PACRG: variants seen among roughly 807,000 people sequenced by gnomAD.
PACRG encodes the protein parkin coregulated gene protein.
Under a neutral mutation model 29.7 loss-of-function variants are expected in PACRG, and 29 were observed. That is an observed-to-expected ratio of 0.98 (90% CI 0.73 to 1.33). PACRG has a LOEUF of 1.33. Ranked by LOEUF, PACRG falls within the 40% of genes most tolerant of loss-of-function variation. The probability of loss-of-function intolerance (pLI) is 0.00; values close to 1 mark genes in which losing one functional copy is unlikely to be tolerated. For synonymous variants in PACRG, 116 were observed against 118.7 expected (o/e 0.98, Z 0.15); for missense variants, 279 against 316.2 (o/e 0.88, Z 0.89).
intron 2 of PACRG, among the ~76,000 whole-genome samples, chr6:162,869,067 A>G (rs548892980): frequency 6.6e-6 from 1 of 152,156 alleles, no homozygotes; most frequent in African/African-American, 2.4e-5. Flanking sequence ...CGATGGCTTC[A>G]TGGGTCTTTA....
intron 4 of PACRG, among the ~76,000 whole-genome samples, chr6:163,136,737 T>C (rs1246345710): frequency 6.6e-6 from 1 of 152,250 alleles, no homozygotes; most frequent in Non-Finnish European, 1.5e-5. Flanking sequence ...TAGGGATTAC[T>C]GAATGAACTA....
At chr6:162,869,008 C>T (rs114437724) in intron 2 of PACRG, among the ~76,000 whole-genome samples, 439 of 152,282 alleles carry the variant, frequency 2.9e-3, no homozygotes, top group African/African-American at 0.01. Context: ...CACAGAGGGA[C>T]GATGACATGT....
chr6:162,792,482 C>A (rs1197962868), intron 1 of PACRG, among the ~76,000 whole-genome samples: 1 of 152,088 alleles, frequency 6.6e-6, no homozygotes, highest in African/African-American at 2.4e-5. Context: ...TTGTCAGAAA[C>A]CTGGCTGGCC....
chr6:162,730,034 A>G (rs1454470650), intron 1 of PACRG, among the ~76,000 whole-genome samples: 2 of 147,728 alleles, frequency 1.4e-5, no homozygotes, highest in African/African-American at 5.0e-5. Flanking sequence ...TTATCCATTC[A>G]TCTATTTATT....
intron 2 of PACRG, among the ~76,000 whole-genome samples, chr6:162,909,901 C>T (rs1286505953): frequency 2.6e-5 from 4 of 152,166 alleles, no homozygotes; most frequent in African/African-American, 4.8e-5. Flanking sequence ...AGATTTGAAT[C>T]GGTTTTACAC....
chr6:163,112,611 A>G (rs1410489926), intron 4 of PACRG, among the ~76,000 whole-genome samples: 3 of 152,162 alleles, frequency 2.0e-5, no homozygotes, highest in Non-Finnish European at 4.4e-5. Context: ...AGGCATTTAA[A>G]AGCAATCACA....
chr6:162,947,545 CATAT>C (rs4056363), intron 2 of PACRG, among the ~76,000 whole-genome samples: 1 of 75,514 alleles, frequency 1.3e-5, no homozygotes, highest in African/African-American at 4.8e-5. Context: ...CATATATAAT[CATAT>C]ATATATAATC....
chr6:163,292,558 G>A (rs992810411), intron 4 of PACRG, among the ~76,000 whole-genome samples: 4 of 113,210 alleles, frequency 3.5e-5, no homozygotes, highest in Admixed American at 1.8e-4. Flanking sequence ...CTGCCACCAC[G>A]CCCAGCTAAT....
At position 163,191,266 on chromosome 6, in the gene PACRG, G is replaced by A. The variant is rs141543872; in HGVS notation, c.613+101858G>A. ...ACTAACTTCACCATCATCCCTTCCCGCCACCCCCCAAACCTACTTCCTTCC... is the reference window on the plus strand; with the variant it reads ...ACTAACTTCACCATCATCCCTTCCCACCACCCCCCAAACCTACTTCCTTCC... On this transcript the variant is annotated intron_variant, in intron 4 of 4. Coordinates refer to ENST00000366888, the MANE Select transcript of PACRG (RefSeq NM_001080379.2). Among the ~76,000 whole-genome samples the A allele has an allele frequency of 2.8e-4, 43 of 151,846 alleles. No homozygotes were observed. The South Asian group carries it at 7.3e-3, about 26-fold the overall frequency.
intron 1 of PACRG, among the ~76,000 whole-genome samples, chr6:162,785,465 C>T (rs979022253): frequency 6.6e-6 from 1 of 152,026 alleles, no homozygotes; most frequent in Non-Finnish European, 1.5e-5. Flanking sequence ...CTCCCAAGGG[C>T]CTGCACACCC....
At chr6:162,947,608 A>ATATATATAT (rs1554313269) in intron 2 of PACRG, among the ~76,000 whole-genome samples, 1 of 66,346 alleles carries the variant, frequency 1.5e-5, no homozygotes, top group Admixed American at 2.4e-4. Flanking sequence ...ATATATATAT[A>ATATATATAT]ATCATATATA....
intron 4 of PACRG, among the ~76,000 whole-genome samples, chr6:163,207,864 T>C (rs1780970537): frequency 6.6e-6 from 1 of 152,224 alleles, no homozygotes; most frequent in South Asian, 2.1e-4. Flanking sequence ...TTCACAAATA[T>C]TCAGCGCAAT....
chr6:162,918,729 A>C (rs558603053), intron 2 of PACRG, among the ~76,000 whole-genome samples: 1 of 152,202 alleles, frequency 6.6e-6, no homozygotes, highest in African/African-American at 2.4e-5. Flanking sequence ...TGTTCAGTTG[A>C]TTAATTTGGA....
chr6:162,821,934 T>C (rs1787878944), intron 2 of PACRG, among the ~76,000 whole-genome samples: 1 of 152,248 alleles, frequency 6.6e-6, no homozygotes, highest in African/African-American at 2.4e-5. Context: ...AATCATTCTT[T>C]GTTTGATGTT....
At chr6:162,972,040 G>A (rs569119279) in intron 2 of PACRG, among the ~76,000 whole-genome samples, 4 of 152,280 alleles carry the variant, frequency 2.6e-5, no homozygotes, top group East Asian at 3.9e-4. Flanking sequence ...TCTGACCTCC[G>A]CATGAGGATG....
chr6:163,041,676 A>G (rs1202950406), intron 2 of PACRG, among the ~76,000 whole-genome samples: 5 of 152,188 alleles, frequency 3.3e-5, no homozygotes, highest in African/African-American at 1.2e-4. Flanking sequence ...TAATGCATTG[A>G]CCATGTTCAT....
Position 163,225,825 on chromosome 6 carries a change from G to A in PACRG, c.614-89002G>A, listed in dbSNP as rs574107989. ...GAATCAACCTAAGTGTCCATCAGTCGACGAATGGATAAAGAAAATGTGGTA... is the reference window on the plus strand; with the variant it reads ...GAATCAACCTAAGTGTCCATCAGTCAACGAATGGATAAAGAAAATGTGGTA... On this transcript the variant is annotated intron_variant, in intron 4 of 4. Coordinates refer to ENST00000366888, the MANE Select transcript of PACRG (RefSeq NM_001080379.2). 1.3e-4 allele frequency among the ~76,000 whole-genome samples: 20 copies of A among 152,206 alleles called. No homozygotes were observed. The South Asian group carries it at 2.9e-3, about 22-fold the overall frequency.
intron 3 of PACRG, among the ~76,000 whole-genome samples, chr6:163,088,070 G>A (rs1813760181): frequency 6.6e-6 from 1 of 152,176 alleles, no homozygotes; most frequent in Non-Finnish European, 1.5e-5. Context: ...AGTTCAGGGA[G>A]GAAATTTAGT....
At chr6:163,198,753 C>A (rs991787127) in intron 4 of PACRG, among the ~76,000 whole-genome samples, 1 of 152,096 alleles carries the variant, frequency 6.6e-6, no homozygotes, top group African/African-American at 2.4e-5. Flanking sequence ...TTTCTTTTGC[C>A]AAGGTTGAGG....
Sources: allele counts gnomAD v4.1 joint callset (sites outside exome capture counted in the v4.1 genomes callset), GRCh38; gene constraint gnomAD v4.1.1; transcripts MANE v1.5; gene names NCBI Gene and HGNC (gene_info 2026-07-23, HGNC 2026-07-21).